Variants in PIK3C3 observed in about 807,000 individuals in gnomAD.
The protein encoded by PIK3C3 is phosphatidylinositol 3-kinase catalytic subunit type 3.
A neutral mutation model predicts 126.1 loss-of-function variants in PIK3C3; 95 were observed. That is an observed-to-expected ratio of 0.75 (90% CI 0.64 to 0.89). The LOEUF (loss-of-function observed/expected upper bound fraction) is 0.89. Ranked by LOEUF, PIK3C3 falls within the 40% of genes least tolerant of loss-of-function variation. The probability of loss-of-function intolerance (pLI) is 0.00; values close to 1 mark genes in which losing one functional copy is unlikely to be tolerated. For synonymous variants in PIK3C3, 374 were observed against 360.0 expected (o/e 1.04, Z -0.44); for missense variants, 829 against 1,063.2 (o/e 0.78, Z 3.06).
At chr18:41,960,933 G>A (rs1043546364) in intron 2 of PIK3C3, among the ~76,000 whole-genome samples, 8 of 151,822 alleles carry the variant, frequency 5.3e-5, no homozygotes, top group Admixed American at 2.0e-4. Flanking sequence ...GTAGAGACAC[G>A]GTTTCACCAT....
chr18:41,961,974 A>C (rs545879384), intron 2 of PIK3C3, among the ~76,000 whole-genome samples: 2 of 152,312 alleles, frequency 1.3e-5, no homozygotes, highest in East Asian at 3.9e-4. Context: ...CTCGCATAAG[A>C]AGTCACATAT....
At chr18:42,066,371 A>G (rs1684811611) in intron 23 of PIK3C3, among the ~76,000 whole-genome samples, 1 of 152,050 alleles carries the variant, frequency 6.6e-6, no homozygotes, top group Non-Finnish European at 1.5e-5. Context: ...GAAACCCTAT[A>G]CTTCAAACAC....
intron 16 of PIK3C3, among the ~76,000 whole-genome samples, chr18:42,036,474 A>C (rs116983177): frequency 0.035 from 5,341 of 151,356 alleles, 117 homozygotes; most frequent in Non-Finnish European, 0.054. Context: ...TATTTCTCCA[A>C]ATTTTTGTCT....
chr18:42,040,815 A>T, intron 19 of PIK3C3, 74 bp downstream of exon 19: 1 of 978,612 alleles, frequency 1.0e-6, no homozygotes, highest in Non-Finnish European at 1.6e-6. Context: ...TATAACATAG[A>T]GTTAAAAATG....
intron 17 of PIK3C3, among the ~76,000 whole-genome samples, chr18:42,038,040 A>C (rs544452783): frequency 6.6e-6 from 1 of 152,088 alleles, no homozygotes; most frequent in Non-Finnish European, 1.5e-5. Flanking sequence ...TGTTCCATTA[A>C]TTTTTTTTCC....
chr18:42,079,874 C>T (rs1017444224), intron 24 of PIK3C3, among the ~76,000 whole-genome samples: 5 of 151,958 alleles, frequency 3.3e-5, no homozygotes, highest in African/African-American at 9.7e-5. Context: ...GTTGATTCAC[C>T]GCCGCTACCT....
At chr18:41,987,020 G>A (rs1981514060) in intron 4 of PIK3C3, among the ~76,000 whole-genome samples, 1 of 151,984 alleles carries the variant, frequency 6.6e-6, no homozygotes, top group African/African-American at 2.4e-5. Context: ...GTCATGATAT[G>A]GACAATGAAG....
At chr18:42,003,229 A>AT (rs530072725) in intron 9 of PIK3C3, among the ~76,000 whole-genome samples, 106 of 152,296 alleles carry the variant, frequency 7.0e-4, no homozygotes, top group African/African-American at 2.5e-3. Context: ...CCAAGTAGAC[A>AT]TTTTCTTGAG....
At chr18:42,080,201 T>A (rs901698717) in intron 24 of PIK3C3, among the ~76,000 whole-genome samples, 1 of 152,322 alleles carries the variant, frequency 6.6e-6, no homozygotes, top group East Asian at 1.9e-4. Context: ...TAATTGCCTT[T>A]AGTAAAAATA....
chr18:42,012,486 G>A (rs547908328), intron 10 of PIK3C3, among the ~76,000 whole-genome samples: 2 of 152,244 alleles, frequency 1.3e-5, no homozygotes, highest in South Asian at 2.1e-4. Context: ...CTAACAGGGT[G>A]AATGACAATT....
At chr18:41,964,316 A>T (rs1391144500) in intron 3 of PIK3C3, among the ~76,000 whole-genome samples, 2 of 152,142 alleles carry the variant, frequency 1.3e-5, no homozygotes, top group Non-Finnish European at 2.9e-5. Context: ...GTATAGTGCT[A>T]TAGTGGTTAG....
chr18:42,071,935 T>G (rs531876440), intron 24 of PIK3C3, among the ~76,000 whole-genome samples: 2 of 152,294 alleles, frequency 1.3e-5, no homozygotes, highest in Admixed American at 1.3e-4. Context: ...GGAACTTGTT[T>G]AGGCACTGAA....
intron 3 of PIK3C3, among the ~76,000 whole-genome samples, chr18:41,963,315 A>G (rs1980191146): frequency 6.6e-6 from 1 of 152,230 alleles, no homozygotes; most frequent in South Asian, 2.1e-4. Flanking sequence ...ACCGATTTTA[A>G]GACTAATGAG....
At chr18:42,013,060 AG>A (rs1294398621) in intron 10 of PIK3C3, among the ~76,000 whole-genome samples, 2 of 152,022 alleles carry the variant, frequency 1.3e-5, no homozygotes, top group African/African-American at 4.8e-5. Context: ...ACTGAAAAAA[AG>A]GATCCTTCTA....
At position 41,957,759 on chromosome 18, in the gene PIK3C3, G is replaced by A; in HGVS notation, c.257+1G>A. On this transcript the variant is annotated splice_donor_variant, in intron 2 of 24. Coordinates refer to ENST00000262039, the MANE Select transcript of PIK3C3 (RefSeq NM_002647.4). LOFTEE classifies it high-confidence loss of function. ...ACAAAGCATTTAGTACAAGATGGAAGTAAGTTTTTTTGTGGCATATGGTAT... is the reference window on the plus strand; with the variant it reads ...ACAAAGCATTTAGTACAAGATGGAAATAAGTTTTTTTGTGGCATATGGTAT... 1 of 1,606,636 alleles carries A rather than the reference G, an allele frequency of 6.2e-7. No individual in the cohort carries two copies. The highest frequency in any genetic ancestry group is 8.5e-7 in the Non-Finnish European group (1 of 1,177,566).
At position 41,977,457 on chromosome 18, in the gene PIK3C3, G is replaced by C. The variant is rs529562499; in HGVS notation, c.531+7001G>C. Among the ~76,000 whole-genome samples the C allele has an allele frequency of 2.6e-5, 4 of 151,854 alleles. No individual in the cohort carries two copies. In the East Asian group the frequency reaches 5.8e-4, roughly 22 times the overall value. ...ACAGATGCTGCAAAATTGCGGAAACGTTTTAGAGCCATGAGAGGAAGTGGC... is the reference window on the plus strand; with the variant it reads ...ACAGATGCTGCAAAATTGCGGAAACCTTTTAGAGCCATGAGAGGAAGTGGC... On this transcript the variant is annotated intron_variant, in intron 4 of 24. Coordinates refer to ENST00000262039, the MANE Select transcript of PIK3C3 (RefSeq NM_002647.4).
chr18:41,998,931 G>C (rs778513363), intron 9 of PIK3C3, among the ~76,000 whole-genome samples: 2 of 152,148 alleles, frequency 1.3e-5, no homozygotes, highest in Non-Finnish European at 2.9e-5. Flanking sequence ...TTATGATTTA[G>C]GTTACTTGAC....
chr18:42,008,997 A>G (rs1210404644), intron 10 of PIK3C3, among the ~76,000 whole-genome samples: 1 of 152,104 alleles, frequency 6.6e-6, no homozygotes, highest in Non-Finnish European at 1.5e-5. Flanking sequence ...CAGGTAATAG[A>G]TTGAGCAGCA....
chr18:42,003,953 C>T (rs765695014), intron 9 of PIK3C3, among the ~76,000 whole-genome samples: 5 of 152,154 alleles, frequency 3.3e-5, no homozygotes, highest in Non-Finnish European at 2.9e-5. Context: ...GCATGGCTTC[C>T]GGCCCTTCGC....
Sources: gnomAD v4.1 joint callset for allele counts (sites outside exome capture counted in the v4.1 genomes callset) on GRCh38, gnomAD v4.1.1 for gene constraint, MANE v1.5 for transcripts, NCBI Gene and HGNC (gene_info 2026-07-23, HGNC 2026-07-21) for gene names.